PRKN: variants seen among roughly 807,000 people sequenced by gnomAD.
PRKN encodes E3 ubiquitin-protein ligase parkin.
In PRKN, 56 loss-of-function variants were observed where a neutral mutation model predicts 59.5. That is an observed-to-expected ratio of 0.94 (90% CI 0.76 to 1.18). The LOEUF is 1.18. PRKN is among the 50% of genes most tolerant of loss of function. The probability of loss-of-function intolerance (pLI) is 0.00; values close to 1 mark genes in which losing one functional copy is unlikely to be tolerated. For missense variants in PRKN, 657 were observed against 596.4 expected (o/e 1.10, Z -1.06); for synonymous variants, 250 against 222.1 (o/e 1.13, Z -1.12).
At chr6:161,422,338 A>G (rs1169658748) in intron 9 of PRKN, among the ~76,000 whole-genome samples, 1 of 151,524 alleles carries the variant, frequency 6.6e-6, no homozygotes, top group East Asian at 2.0e-4. Flanking sequence ...AGCTGGGACT[A>G]CAGGCACCCA....
chr6:161,836,113 GCTAACT>G (rs1792742520), intron 6 of PRKN, among the ~76,000 whole-genome samples: 1 of 152,178 alleles, frequency 6.6e-6, no homozygotes. Flanking sequence ...GTTTGTAGCA[GCTAACT>G]CGGAGTGCGG....
rs546851809 is a variant in PRKN at position 161,853,964 on chromosome 6, G to A, written c.735-68056C>T. On this transcript the variant is annotated intron_variant, in intron 6 of 11. Coordinates refer to ENST00000366898, the MANE Select transcript of PRKN (RefSeq NM_004562.3). ...CAGACATTTTAAAACACTAAAAATT[G>A]GCCCGGTATGGTGGCTCATGCCTGT... is the stretch of plus-strand genomic sequence containing the variant. 1.6e-4 allele frequency among the ~76,000 whole-genome samples: 25 copies of A among 152,016 alleles called. No individual in the cohort carries two copies. In the South Asian group the frequency reaches 5.2e-3, roughly 32 times the overall value.
chr6:161,370,571 G>C (rs1359190904), intron 10 of PRKN, among the ~76,000 whole-genome samples: 1 of 121,930 alleles, frequency 8.2e-6, no homozygotes, highest in Non-Finnish European at 1.6e-5. Context: ...CAGCCTGGGC[G>C]ACAGAGCAAG....
rs1554287422 is a variant in PRKN at position 162,226,097 on chromosome 6, T to TAATA, written c.413-24846_413-24845insTATT. ...ATAATAATAATAATAATAATAATAA[T>TAATA]AAAATTAGATCAAACTGGGCAGGTT... is the stretch of plus-strand genomic sequence containing the variant. On this transcript the variant is annotated intron_variant, in intron 3 of 11. Transcript: ENST00000366898. Among the ~76,000 whole-genome samples the TAATA allele has an allele frequency of 0.022, 1,307 of 60,600 alleles. 49 individuals are homozygous for TAATA. The East Asian group carries it at 0.31, about 14-fold the overall frequency. The allele number at this position is 60,600 out of a possible 152,430, so 39.8% of individuals were successfully genotyped here.
At chr6:161,795,511 T>G (rs965985508) in intron 6 of PRKN, among the ~76,000 whole-genome samples, 2 of 152,112 alleles carry the variant, frequency 1.3e-5, no homozygotes, top group African/African-American at 4.8e-5. Flanking sequence ...GGATTACAGG[T>G]GTGAGCCACC....
Position 162,056,474 on chromosome 6 carries a change from G to A in PRKN, c.535-2300C>T, listed in dbSNP as rs374342415. Among the ~76,000 whole-genome samples the A allele has an allele frequency of 3.3e-5, 5 of 152,120 alleles. No individual in the cohort carries two copies. In the East Asian group the frequency reaches 7.7e-4, roughly 24 times the overall value. On this transcript the variant is annotated intron_variant, in intron 4 of 11. Coordinates refer to ENST00000366898, the MANE Select transcript of PRKN (RefSeq NM_004562.3). This position sits in a 1 kb window ranked among gnomAD's most constrained non-coding sequence, Gnocchi z 4.9. ...CCTGAAAGAGACTGAGCCTTTTGAC[G>A]GAGGCTCTTTACCCCAGACTTCAAA...
chr6:162,396,408 G>A (rs1032108616), intron 2 of PRKN, among the ~76,000 whole-genome samples: 9 of 152,088 alleles, frequency 5.9e-5, no homozygotes, highest in Non-Finnish European at 1.0e-4. Flanking sequence ...GGTGGGACGT[G>A]TCACTAGTTC....
chr6:161,599,258 T>C (rs1782025250), intron 7 of PRKN, among the ~76,000 whole-genome samples: 1 of 152,208 alleles, frequency 6.6e-6, no homozygotes, highest in Admixed American at 6.5e-5. Flanking sequence ...ACTAATACAA[T>C]GGGTGACAAT....
At chr6:162,187,938 T>C (rs1784099444) in intron 4 of PRKN, among the ~76,000 whole-genome samples, 1 of 152,108 alleles carries the variant, frequency 6.6e-6, no homozygotes, top group South Asian at 2.1e-4. Context: ...AAATTGTAAC[T>C]CCCACAATTC....
intron 2 of PRKN, among the ~76,000 whole-genome samples, chr6:162,376,207 CAG>C (rs1461534652): frequency 4.6e-5 from 7 of 152,122 alleles, no homozygotes; most frequent in African/African-American, 1.7e-4. Context: ...CCAAAGAACA[CAG>C]ACCGCACCCT....
At chr6:162,268,390 A>C (rs1780227951) in intron 2 of PRKN, among the ~76,000 whole-genome samples, 2 of 152,202 alleles carry the variant, frequency 1.3e-5, no homozygotes, top group Non-Finnish European at 2.9e-5. Context: ...CAGCAAGTGA[A>C]GACACAACAA....
chr6:162,297,174 CTTT>C (rs10681721), intron 2 of PRKN, among the ~76,000 whole-genome samples: 2 of 139,318 alleles, frequency 1.4e-5, no homozygotes, highest in Non-Finnish European at 1.5e-5. Context: ...TTTTTCTTTT[CTTT>C]TTTTTTTTTT....
chr6:161,565,557 T>TC, intron 8 of PRKN, among the ~76,000 whole-genome samples: 1 of 152,092 alleles, frequency 6.6e-6, no homozygotes, highest in Non-Finnish European at 1.5e-5. Flanking sequence ...GGCTGGCATT[T>TC]CCCCTGCTTG....
At chr6:161,935,510 T>C (rs1164106905) in intron 6 of PRKN, among the ~76,000 whole-genome samples, 2 of 148,096 alleles carry the variant, frequency 1.4e-5, no homozygotes, top group Admixed American at 6.9e-5. Flanking sequence ...GCTGAGATCA[T>C]GCTACTGCAC....
At chr6:162,103,268 G>GAA (rs1007763675) in intron 4 of PRKN, among the ~76,000 whole-genome samples, 1 of 151,890 alleles carries the variant, frequency 6.6e-6, no homozygotes, top group Non-Finnish European at 1.5e-5. Context: ...AGCAATAAAA[G>GAA]AAAATGAGGA....
chr6:161,702,090 A>T (rs1258151767), intron 7 of PRKN, among the ~76,000 whole-genome samples: 1 of 152,234 alleles, frequency 6.6e-6, no homozygotes, highest in Non-Finnish European at 1.5e-5. Flanking sequence ...ATCATTTTAA[A>T]TGAATATGTA....
chr6:162,458,406 A>G (rs1186718686), intron 1 of PRKN, among the ~76,000 whole-genome samples: 2 of 150,482 alleles, frequency 1.3e-5, no homozygotes, highest in African/African-American at 2.4e-5. Flanking sequence ...AGTCTGGGTG[A>G]TAAGAGCGAG....
At chr6:162,238,972 G>C (rs1222105105) in intron 3 of PRKN, among the ~76,000 whole-genome samples, 1 of 152,192 alleles carries the variant, frequency 6.6e-6, no homozygotes, top group African/African-American at 2.4e-5. Flanking sequence ...AGACCACCAT[G>C]ATCACTGACA....
At chr6:161,730,929 G>A (rs1286973999) in intron 7 of PRKN, among the ~76,000 whole-genome samples, 5 of 151,282 alleles carry the variant, frequency 3.3e-5, no homozygotes, top group African/African-American at 7.3e-5. Flanking sequence ...GCATTCTGAC[G>A]TGTTGCATTC....
Sources: gnomAD v4.1 joint callset for allele counts (sites outside exome capture counted in the v4.1 genomes callset) on GRCh38, gnomAD v4.1.1 for gene constraint, Gnocchi (gnomAD v3.1) non-coding constraint, MANE v1.5 for transcripts, NCBI Gene and HGNC (gene_info 2026-07-23, HGNC 2026-07-21) for gene names.